The following ELN variants were observed in gnomAD, a reference collection of about 807,000 sequenced individuals.
ELN encodes the protein elastin.
In ELN, 65 loss-of-function variants were observed where a neutral mutation model predicts 105.8. The ratio of observed to expected loss-of-function variants is 0.61; its 90% confidence interval spans 0.50 to 0.75. The LOEUF is 0.75. Among genes scored for constraint, ELN ranks in the 30% least tolerant of loss-of-function variants. The pLI is 0.00. For synonymous variants in ELN, 368 were observed against 389.2 expected, an observed-to-expected ratio of 0.95 and a Z score of 0.64; for missense variants, 882 against 969.4, an observed-to-expected ratio of 0.91 and a Z score of 1.20.
chr7:74,046,272 G>A (rs938610139), intron 11 of ELN, 55 bp downstream of exon 11: 73 of 1,611,282 alleles, frequency 4.5e-5, no homozygotes, highest in Admixed American at 1.5e-4. Flanking sequence ...AGGCTCTGGC[G>A]TTGGGAGGGG....
At chr7:74,047,786 T>C in intron 13 of ELN, 70 bp downstream of exon 13, 6 of 1,608,416 alleles carry the variant, frequency 3.7e-6, no homozygotes, top group Non-Finnish European at 5.1e-6. Context: ...AAGGGTGCTG[T>C]GCTTCCAGCC....
intron 31 of ELN, among the ~76,000 whole-genome samples, chr7:74,066,261 A>T (rs1797935575): frequency 6.6e-6 from 1 of 152,026 alleles, no homozygotes; most frequent in Non-Finnish European, 1.5e-5. Context: ...TGAGAAAGCC[A>T]CTCTGGCTGT....
chr7:74,063,514 C>T lies in ELN; in HGVS notation c.1919-107C>T. 6.2e-7 allele frequency: 1 copy of T among 1,609,912 alleles called. No homozygotes were observed. Among genetic ancestry groups the T allele is most frequent in the Non-Finnish European group, 8.5e-7 (1 of 1,178,076 alleles). ...CTGTGCCATCGAAGGCCAGGGGAGA[C>T]CTCAGGCTCCACCTGTGTCCCCAGA... On this transcript the variant is annotated intron_variant, in intron 28 of 32. Coordinates refer to ENST00000252034, the MANE Select transcript of ELN (RefSeq NM_000501.4). The surrounding 1 kb of genome is among the most constrained non-coding windows in gnomAD (Gnocchi z 4.1).
At position 74,035,382 on chromosome 7, in the gene ELN, C is replaced by G. The variant is rs1554664888; in HGVS notation, c.101C>G (p.Pro34Arg). The change falls in exon 2 of 33, where the codon CCT becomes CGT. Residue 34 changes from proline to arginine, a missense_variant. By Grantham distance (103) the Pro-to-Arg change is moderately radical. Transcript: ENST00000252034. Reference sequence around the variant, plus strand: ...CTTTCAGGGGTCCCTGGGGCCATTCCTGGTGGAGTTCCTGGAGGAGTCTTT... The same window carrying G: ...CTTTCAGGGGTCCCTGGGGCCATTCGTGGTGGAGTTCCTGGAGGAGTCTTT... Reference protein sequence around the residue: ...SRPGGVPGAIPGGVPGGVFYP... With the variant: ...SRPGGVPGAIRGGVPGGVFYP... The G allele has an allele frequency of 6.2e-7, 1 of 1,613,976 alleles. No homozygotes were observed. The highest frequency in any genetic ancestry group is 8.5e-7 in the Non-Finnish European group (1 of 1,180,012).
rs1554680003 is a variant in ELN, at chr7:74,056,572, G to A, written c.1316-100G>A. On this transcript the variant is annotated intron_variant, in intron 20 of 32. Transcript: ENST00000252034. The stretch of plus-strand genomic sequence containing the variant: ...GAGGAGTTGGGGGAGAAGAAGGGAG[G>A]TCGTATCCATGCCTTACAGGGCAGA... 4 of 1,603,104 alleles carry A rather than the reference G, an allele frequency of 2.5e-6. No individual in the cohort carries two copies. In the African/African-American group the frequency reaches 4.0e-5, roughly 16 times the overall value.
intron 5 of ELN, among the ~76,000 whole-genome samples, chr7:74,041,622 C>T (rs1442694474): frequency 6.6e-6 from 1 of 152,142 alleles, no homozygotes; most frequent in Non-Finnish European, 1.5e-5. Flanking sequence ...TGAGAGGATC[C>T]CTTGAGCCCA....
chr7:74,048,139 C>G lies in ELN; in HGVS notation c.686-3C>G. On this transcript the variant is annotated splice_polypyrimidine_tract_variant and splice_region_variant and intron_variant, in intron 13 of 32. Transcript: ENST00000252034. ...ATGACCATCAAGCCTCTCTGTTTTG[C>G]AGGCTATGGGCCCGGAGGAGTGGCT... 1 of 1,614,068 alleles carries G rather than the reference C, an allele frequency of 6.2e-7. No individual in the cohort carries two copies. Among genetic ancestry groups the G allele is most frequent in the East Asian group, 2.2e-5 (1 of 44,886 alleles).
rs1488108244 is a variant in ELN, at chr7:74,033,889, G to C, written c.83-1475G>C. Among the ~76,000 whole-genome samples, 6 of 152,264 alleles carry C rather than the reference G, an allele frequency of 3.9e-5. No homozygotes were observed. The East Asian group carries it at 1.2e-3, about 29-fold the overall frequency. On this transcript the variant is annotated intron_variant, in intron 1 of 32. Transcript: ENST00000252034. ...TTGGCAAGGTGGCTTGTCAAGCTCA[G>C]AGGGGGGCCTTCTGAGGTGGAGGCA...
intron 32 of ELN, 42 bp downstream of exon 32, chr7:74,066,818 C>T: frequency 1.3e-6 from 2 of 1,598,170 alleles, no homozygotes; most frequent in South Asian, 1.1e-5. Context: ...CCTGGAGCTG[C>T]AGCCACCTCC....
chr7:74,043,003 C>G lies in ELN; in HGVS notation c.345C>G (p.Val115=), dbSNP rs149457046. 1 of 1,614,130 alleles carries G rather than the reference C, an allele frequency of 6.2e-7. No homozygotes were observed. The highest frequency in any genetic ancestry group is 8.5e-7 in the Non-Finnish European group (1 of 1,180,026). ...AAKAGAGLGG[V]PGVGGLGVSA... is the part of the protein sequence containing the mutation. ...CTGCAGGCGCTGGGCTTGGTGGTGT[C>G]CCAGGAGTTGGTGGCTTAGGAGTGT... The change falls in exon 7 of 33, where the codon GTC becomes GTG. Residue 115 remains valine, a synonymous_variant. Coordinates refer to ENST00000252034, the MANE Select transcript of ELN (RefSeq NM_000501.4).
At chr7:74,059,822 T>C (rs1554682708) in intron 22 of ELN, 64 bp from the exon 23 acceptor site, 1 of 863,582 alleles carries the variant, frequency 1.2e-6, no homozygotes, top group South Asian at 1.3e-5. Flanking sequence ...CAGCCCTCTT[T>C]CCATAAGCTT....
intron 4 of ELN, 37 bp downstream of exon 4, chr7:74,037,776 A>AG (rs1314427920): frequency 6.2e-7 from 1 of 1,605,996 alleles, no homozygotes; most frequent in African/African-American, 1.3e-5. Flanking sequence ...AGAGACAGCG[A>AG]GGGAGCTGGG....
At chr7:74,057,879 T>A (rs1795668188) in intron 22 of ELN, among the ~76,000 whole-genome samples, 183 bp downstream of exon 22, 2 of 152,106 alleles carry the variant, frequency 1.3e-5, no homozygotes, top group South Asian at 4.1e-4. Context: ...GTGGGTGATG[T>A]TTCTGATTAG....
chr7:74,036,549 C>A lies in ELN; in HGVS notation c.134-6C>A, dbSNP rs368904789. Reference sequence around the variant, plus strand: ...GATCTCTCTTTCTCTTTCTCTCCCCCCACAGGGGCTGGTCTCGGAGCCCTT... The same window carrying A: ...GATCTCTCTTTCTCTTTCTCTCCCCACACAGGGGCTGGTCTCGGAGCCCTT... On this transcript the variant is annotated splice_polypyrimidine_tract_variant and splice_region_variant and intron_variant, in intron 2 of 32. Transcript: ENST00000252034. The A allele has an allele frequency of 3.3e-5, 54 of 1,613,930 alleles. No homozygotes were observed. Among genetic ancestry groups the A allele is most frequent in the Non-Finnish European group, 4.4e-5 (52 of 1,180,032 alleles).
intron 8 of ELN, 163 bp from the exon 9 acceptor site, chr7:74,043,716 G>A (rs557320985): frequency 2.4e-4 from 194 of 824,302 alleles, no homozygotes; most frequent in South Asian, 2.1e-3. Context: ...TCCGAAACTC[G>A]TGGGAGGAGG....
chr7:74,052,972 T>C, intron 17 of ELN, 191 bp from the exon 18 acceptor site: 1 of 700,126 alleles, frequency 1.4e-6, no homozygotes, highest in African/African-American at 1.8e-5. Flanking sequence ...CTGATTCAAA[T>C]CCTAGAGCTC....
Position 74,059,760 on chromosome 7 carries a change from G to A in ELN, c.1415-126G>A, listed in dbSNP as rs1175934483. 11 of 773,682 alleles carry A rather than the reference G, an allele frequency of 1.4e-5. No homozygotes were observed. In the African/African-American group the frequency reaches 1.7e-4, roughly 12 times the overall value. 47.9% of individuals were successfully genotyped at this position (773,682 alleles called of 1,614,324 possible). ...AGGAGGAAGCTGAGGCCCAGCAAGGGAAAGTAACTGATCCAGGGTCACACA... is the reference window on the plus strand; with the variant it reads ...AGGAGGAAGCTGAGGCCCAGCAAGGAAAAGTAACTGATCCAGGGTCACACA... On this transcript the variant is annotated intron_variant, in intron 22 of 32. Coordinates refer to ENST00000252034, the MANE Select transcript of ELN (RefSeq NM_000501.4).
In ELN at chr7:74,060,018, C is replaced by T. The variant is rs1796256572; in HGVS notation, c.1547C>T (p.Ala516Val). The change falls in exon 23 of 33, where the codon GCT becomes GTT. Residue 516 changes from alanine to valine, a missense_variant. Transcript: ENST00000252034. ...GGTGTGGCTCCTGGCGTTGGCGTGGCTCCCGGCATTGGCCCTGGTGGAGTT... is the reference window on the plus strand; with the variant it reads ...GGTGTGGCTCCTGGCGTTGGCGTGGTTCCCGGCATTGGCCCTGGTGGAGTT... ...GVGVAPGVGV[A>V]PGIGPGGVAA... is the part of the protein sequence containing the mutation. 6.2e-7 allele frequency: 1 copy of T among 1,613,950 alleles called. No homozygotes were observed. The highest frequency in any genetic ancestry group is 1.7e-5 in the Admixed American group (1 of 59,990).
At position 74,068,802 on chromosome 7, in the gene ELN, C is replaced by T. The variant is rs1464325009; in HGVS notation, c.*102C>T. ...CCCCATCCCATGCCCCTCCGACTCC[C>T]CACCCCAGGAGGGAACGGGCAGGCC... On this transcript the variant is annotated 3_prime_UTR_variant, in exon 33 of 33. Transcript: ENST00000252034. 6.9e-7 allele frequency: 1 copy of T among 1,447,138 alleles called. No homozygotes were observed. The highest frequency in any genetic ancestry group is 1.1e-5 in the South Asian group (1 of 87,252). The allele number at this position is 1,447,138 out of a possible 1,614,324, so 89.6% of individuals were successfully genotyped here. A position where few individuals can be genotyped will look rare whatever the true frequency, so the allele number is the denominator to read the frequency against.
Sources: gnomAD v4.1 joint callset for allele counts (sites outside exome capture counted in the v4.1 genomes callset) on GRCh38, gnomAD v4.1.1 for gene constraint, Gnocchi (gnomAD v3.1) non-coding constraint, MANE v1.5 for transcripts, NCBI Gene and HGNC (gene_info 2026-07-23, HGNC 2026-07-21) for gene names.